Variants in FBXL17 observed in about 807,000 individuals in gnomAD.
FBXL17 encodes the protein F-box and leucine rich repeat protein 17.
FBXL17 carries 22 observed loss-of-function variants against 66.2 expected under a neutral mutation model. The observed-to-expected ratio is 0.33, with a 90% confidence interval of 0.24 to 0.47. FBXL17 has a LOEUF of 0.47. FBXL17 is among the 20% of genes least tolerant of loss of function. FBXL17 has a pLI of 1.00. For synonymous variants in FBXL17, 474 were observed against 400.5 expected (o/e 1.18, Z -2.19); for missense variants, 878 against 948.2 (o/e 0.93, Z 0.97).
At chr5:108,369,965 C>T (rs1404545499) in intron 1 of FBXL17, among the ~76,000 whole-genome samples, 1 of 152,106 alleles carries the variant, frequency 6.6e-6, no homozygotes, top group Non-Finnish European at 1.5e-5. Context: ...TTGCAGGTGA[C>T]CAGAGGTCAG....
chr5:108,150,822 G>A (rs1751744963), intron 6 of FBXL17, among the ~76,000 whole-genome samples: 1 of 152,190 alleles, frequency 6.6e-6, no homozygotes, highest in African/African-American at 2.4e-5. Context: ...CTGATCAACT[G>A]ATTAAGCTGC....
At chr5:108,024,291 T>C (rs943533658) in intron 6 of FBXL17, among the ~76,000 whole-genome samples, 3 of 152,184 alleles carry the variant, frequency 2.0e-5, no homozygotes, top group Admixed American at 6.6e-5. Context: ...GAATATCAAA[T>C]ACTTTTAAAG....
At chr5:107,969,599 G>A (rs1194670693) in intron 7 of FBXL17, among the ~76,000 whole-genome samples, 1 of 152,138 alleles carries the variant, frequency 6.6e-6, no homozygotes, top group Non-Finnish European at 1.5e-5. Context: ...TAAGGTCAAA[G>A]TTTGTGTTCT....
rs193101880 is a variant in FBXL17, at chr5:108,329,992, G to A, written c.1506+18407C>T. ...AGACCAGCATGGCCTATGGAAAAGG[G>A]TCTGGAATCATACTGCTTCATATGT... On this transcript the variant is annotated intron_variant, in intron 4 of 8. Transcript: ENST00000542267. 2.8e-3 allele frequency among the ~76,000 whole-genome samples: 419 copies of A among 152,196 alleles called. 4 individuals carry two copies. Among genetic ancestry groups the A allele is most frequent in the African/African-American group, 9.6e-3 (397 of 41,516 alleles).
intron 4 of FBXL17, among the ~76,000 whole-genome samples, chr5:108,274,085 AG>A: frequency 6.6e-6 from 1 of 152,224 alleles, no homozygotes; most frequent in East Asian, 1.9e-4. Flanking sequence ...TTATAAAAAA[AG>A]AAATTAAAAT....
chr5:108,005,804 C>G (rs1440448614), intron 7 of FBXL17, among the ~76,000 whole-genome samples: 3 of 152,192 alleles, frequency 2.0e-5, no homozygotes, highest in African/African-American at 7.2e-5. Context: ...AGAAGCTATG[C>G]CTGTTGACTG....
At chr5:107,942,111 G>C (rs1012519691) in intron 7 of FBXL17, among the ~76,000 whole-genome samples, 4 of 152,250 alleles carry the variant, frequency 2.6e-5, no homozygotes, top group African/African-American at 9.6e-5. Flanking sequence ...GCACAGGGCT[G>C]AGGGCGTACA....
At chr5:107,872,430 G>A (rs1236708648) in intron 8 of FBXL17, among the ~76,000 whole-genome samples, 2 of 152,196 alleles carry the variant, frequency 1.3e-5, no homozygotes, top group Non-Finnish European at 2.9e-5. Flanking sequence ...GGATCTGACG[G>A]TTTTCAAATT....
chr5:107,910,255 C>T (rs748240107), intron 7 of FBXL17, among the ~76,000 whole-genome samples: 28 of 151,916 alleles, frequency 1.8e-4, no homozygotes, highest in East Asian at 3.9e-4. Context: ...CTAAGTATGA[C>T]GCAAATGAAG....
chr5:107,980,664 ATT>A (rs57472813), intron 7 of FBXL17, among the ~76,000 whole-genome samples: 1 of 62,076 alleles, frequency 1.6e-5, no homozygotes, highest in Non-Finnish European at 2.7e-5. Flanking sequence ...ATATATATAT[ATT>A]TTTTTTTTGA....
intron 4 of FBXL17, among the ~76,000 whole-genome samples, chr5:108,335,148 T>C (rs1003455144): frequency 2.0e-5 from 3 of 152,066 alleles, no homozygotes; most frequent in Non-Finnish European, 2.9e-5. Flanking sequence ...TATTTTGGTA[T>C]CATTTTACTC....
In FBXL17 at chr5:108,381,321, G is replaced by GCGGCGT. The variant is rs1398854979; in HGVS notation, c.370_371insACGCCG (p.Ser123_Ala124insAspAla). ...GGCGGCAGCGGCGGCGGCGGCGGCG[G>GCGGCGT]CCGAGGATAGCAGGAAGCGGCGGGC... On this transcript the variant is annotated inframe_insertion, in exon 1 of 9. Transcript: ENST00000542267. The GCGGCGT allele has an allele frequency of 7.2e-7, 1 of 1,391,814 alleles. No homozygotes were observed. The highest frequency in any genetic ancestry group is 1.5e-5 in the African/African-American group (1 of 65,900). 86.2% of individuals were successfully genotyped at this position (1,391,814 alleles called of 1,614,324 possible). A position where few individuals can be genotyped will look rare whatever the true frequency, so the allele number is the denominator to read the frequency against.
At chr5:107,897,239 T>A (rs1465030076) in intron 7 of FBXL17, among the ~76,000 whole-genome samples, 4 of 151,958 alleles carry the variant, frequency 2.6e-5, no homozygotes, top group Admixed American at 6.6e-5. Flanking sequence ...TGGAAAAAAA[T>A]GCCACAAAAA....
At chr5:107,884,969 T>C (rs1748915562) in intron 7 of FBXL17, among the ~76,000 whole-genome samples, 1 of 152,188 alleles carries the variant, frequency 6.6e-6, no homozygotes, top group African/African-American at 2.4e-5. Context: ...AATGATAGCA[T>C]TATATAAATA....
chr5:108,252,841 T>C (rs989140797), intron 4 of FBXL17, among the ~76,000 whole-genome samples: 4 of 152,304 alleles, frequency 2.6e-5, no homozygotes, highest in Admixed American at 1.3e-4. Context: ...CCATTCCTTA[T>C]GCTCTAATTG....
At chr5:108,125,955 G>A (rs1580477356) in intron 6 of FBXL17, among the ~76,000 whole-genome samples, 1 of 152,118 alleles carries the variant, frequency 6.6e-6, no homozygotes. Context: ...ACGGTCCAAA[G>A]GGCCCAAAGA....
At chr5:108,155,382 G>A (rs547417516) in intron 6 of FBXL17, among the ~76,000 whole-genome samples, 1 of 152,232 alleles carries the variant, frequency 6.6e-6, no homozygotes, top group Admixed American at 6.5e-5. Flanking sequence ...GGGCGTGGTG[G>A]CACGTGCCTG....
Position 108,258,737 on chromosome 5 carries a change from A to T in FBXL17, c.1507-34509T>A, listed in dbSNP as rs1383926729. 1.3e-3 allele frequency among the ~76,000 whole-genome samples: 165 copies of T among 122,804 alleles called. 2 individuals are homozygous for T. The highest frequency in any genetic ancestry group is 1.5e-3 in the Non-Finnish European group (85 of 56,576). 80.6% of individuals were successfully genotyped at this position (122,804 alleles called of 152,430 possible). A position where few individuals can be genotyped will look rare whatever the true frequency, so the allele number is the denominator to read the frequency against. On this transcript the variant is annotated intron_variant, in intron 4 of 8. Transcript: ENST00000542267. ...GAAGTCAGGATAAATGGCCTTTAAC[A>T]TTTTTTTTTTTTTTTTTTTTGCTAA... is the stretch of plus-strand genomic sequence containing the variant.
At chr5:108,117,709 G>A (rs1750318573) in intron 6 of FBXL17, among the ~76,000 whole-genome samples, 1 of 152,086 alleles carries the variant, frequency 6.6e-6, no homozygotes, top group East Asian at 1.9e-4. Context: ...GTGGTTTGGG[G>A]GGCAAAAAAA....
Sources: allele counts gnomAD v4.1 joint callset (sites outside exome capture counted in the v4.1 genomes callset), GRCh38; gene constraint gnomAD v4.1.1; transcripts MANE v1.5; gene names NCBI Gene and HGNC (gene_info 2026-07-23, HGNC 2026-07-21).